The following PLCH1 variants were observed in gnomAD, a reference collection of about 807,000 sequenced individuals.
The protein encoded by PLCH1 is phospholipase C eta 1.
Under a neutral mutation model 126.7 loss-of-function variants are expected in PLCH1, and 60 were observed. The ratio of observed to expected loss-of-function variants is 0.47; its 90% CI spans 0.38 to 0.59. The LOEUF (loss-of-function observed/expected upper bound fraction) is 0.59. Ranked by LOEUF, PLCH1 falls within the 20% of genes least tolerant of loss-of-function variation. PLCH1 has a pLI of 0.00. For missense variants in PLCH1, 1,723 were observed against 2,040.0 expected (o/e 0.84, Z 2.99); for synonymous variants, 719 against 734.9 (o/e 0.98, Z 0.35).
chr3:155,642,387 G>A (rs1739501647), intron 2 of PLCH1, among the ~76,000 whole-genome samples: 1 of 152,224 alleles, frequency 6.6e-6, no homozygotes, highest in East Asian at 1.9e-4. Flanking sequence ...CACCTTCACT[G>A]AAAGAAGTTT....
chr3:155,600,091 G>C (rs1733520980), intron 2 of PLCH1, among the ~76,000 whole-genome samples: 1 of 152,050 alleles, frequency 6.6e-6, no homozygotes, highest in African/African-American at 2.4e-5. Context: ...GAAAAATCAA[G>C]TCCACTGAAA....
At chr3:155,618,042 C>T (rs1035914709) in intron 2 of PLCH1, among the ~76,000 whole-genome samples, 6 of 152,138 alleles carry the variant, frequency 3.9e-5, no homozygotes, top group African/African-American at 1.4e-4. Context: ...TGAAAGAGAG[C>T]TTATATGACA....
Position 155,568,335 on chromosome 3 carries a change from C to G in PLCH1, c.772-11G>C. 2 of 1,155,290 alleles carry G rather than the reference C, an allele frequency of 1.7e-6. No homozygotes were observed. Among genetic ancestry groups the G allele is most frequent in the Non-Finnish European group, 2.6e-6 (2 of 770,732 alleles). The allele number at this position is 1,155,290 out of a possible 1,614,324, so 71.6% of individuals were successfully genotyped here. On this transcript the variant is annotated splice_polypyrimidine_tract_variant and intron_variant, in intron 6 of 22. Coordinates refer to ENST00000460012, the MANE Select transcript of PLCH1 (RefSeq NM_014996.4). Reference sequence around the variant, plus strand: ...TGTCACATTATTCATCTAAGAAAAACAGAATACTAGTAGAGTACCTGCAAT... The same window carrying G: ...TGTCACATTATTCATCTAAGAAAAAGAGAATACTAGTAGAGTACCTGCAAT...
At chr3:155,526,496 A>C (rs1721966960) in intron 10 of PLCH1, among the ~76,000 whole-genome samples, 1 of 136,770 alleles carries the variant, frequency 7.3e-6, no homozygotes, top group South Asian at 2.4e-4. Flanking sequence ...TCATACACAC[A>C]CACACACACA....
At chr3:155,679,447 G>T (rs150152429) in intron 2 of PLCH1, among the ~76,000 whole-genome samples, 1 of 152,150 alleles carries the variant, frequency 6.6e-6, no homozygotes, top group Non-Finnish European at 1.5e-5. Context: ...AGCCCCAGTG[G>T]CTGGAAAAAT....
chr3:155,455,580 CA>C (rs1372599397), intron 21 of PLCH1, among the ~76,000 whole-genome samples: 1 of 152,158 alleles, frequency 6.6e-6, no homozygotes, highest in East Asian at 1.9e-4. Flanking sequence ...AACATGAAAG[CA>C]TTTGAGAAAT....
chr3:155,612,324 T>C (rs1314520799), intron 2 of PLCH1, among the ~76,000 whole-genome samples: 1 of 145,228 alleles, frequency 6.9e-6, no homozygotes, highest in Non-Finnish European at 1.5e-5. Flanking sequence ...AGTGAAACTC[T>C]GTCTCAAAAA....
chr3:155,497,198 G>A, intron 15 of PLCH1, 122 bp downstream of exon 15: 1 of 653,932 alleles, frequency 1.5e-6, no homozygotes, highest in Non-Finnish European at 2.7e-6. Flanking sequence ...CACTCAAATT[G>A]GTTTCTACAT....
At chr3:155,619,563 CAG>C (rs1048256451) in intron 2 of PLCH1, among the ~76,000 whole-genome samples, 3 of 150,350 alleles carry the variant, frequency 2.0e-5, no homozygotes, top group African/African-American at 7.3e-5. Flanking sequence ...TAATTTTATC[CAG>C]AGAGTTCCAA....
chr3:155,636,702 C>T (rs955096473), intron 2 of PLCH1, among the ~76,000 whole-genome samples: 1 of 151,336 alleles, frequency 6.6e-6, no homozygotes, highest in East Asian at 1.9e-4. Flanking sequence ...ACCGAGATCA[C>T]GCCATTGCAC....
At chr3:155,609,497 C>T (rs1370747289) in intron 2 of PLCH1, among the ~76,000 whole-genome samples, 5 of 152,084 alleles carry the variant, frequency 3.3e-5, no homozygotes, top group Admixed American at 6.5e-5. Context: ...CTATAGTACC[C>T]TCAAAAGATC....
chr3:155,611,597 C>T (rs1735102223), intron 2 of PLCH1, among the ~76,000 whole-genome samples: 1 of 152,114 alleles, frequency 6.6e-6, no homozygotes, highest in South Asian at 2.1e-4. Context: ...CCACTGACAG[C>T]ACTAGACAGG....
rs1416869463 is a variant in PLCH1 at position 155,492,867 on chromosome 3, A to G, written c.2183-14T>C. On this transcript the variant is annotated splice_polypyrimidine_tract_variant and intron_variant, in intron 17 of 22. Transcript: ENST00000460012. ...GGTTGAAAGTACCTAGGCCAAGTAA[A>G]GTATAAGTTGGTAACATAAGAAGAA... 1.9e-6 allele frequency: 3 copies of G among 1,568,862 alleles called. No homozygotes were observed. The highest frequency in any genetic ancestry group is 1.4e-5 in the African/African-American group (1 of 72,820).
rs116547304 is a variant in PLCH1 at position 155,696,047 on chromosome 3, G to A, written c.79+8099C>T. Among the ~76,000 whole-genome samples the A allele has an allele frequency of 9.2e-3, 1,403 of 152,182 alleles. 16 individuals are homozygous for A. The highest frequency in any genetic ancestry group is 0.032 in the African/African-American group (1,349 of 41,512). On this transcript the variant is annotated intron_variant, in intron 2 of 22. Transcript: ENST00000460012. Reference sequence around the variant, plus strand: ...TAGGCAGATGGACATCTGAGTATTCGGCATAGAGGGAAGGTCAAAGCCATG... The same window carrying A: ...TAGGCAGATGGACATCTGAGTATTCAGCATAGAGGGAAGGTCAAAGCCATG...
intron 20 of PLCH1, among the ~76,000 whole-genome samples, chr3:155,488,422 C>G (rs1715621169): frequency 6.6e-6 from 1 of 152,142 alleles, no homozygotes; most frequent in African/African-American, 2.4e-5. Flanking sequence ...GTCTCGAACT[C>G]CTGACCTTAG....
At chr3:155,611,469 T>C (rs1467705599) in intron 2 of PLCH1, among the ~76,000 whole-genome samples, 1 of 152,008 alleles carries the variant, frequency 6.6e-6, no homozygotes, top group Non-Finnish European at 1.5e-5. Context: ...CAGAAAAATA[T>C]CACAATCCTA....
At position 155,482,616 on chromosome 3, in the gene PLCH1, C is replaced by T. The variant is rs1560045921; in HGVS notation, c.3410G>A (p.Gly1137Asp). 1.2e-6 allele frequency: 2 copies of T among 1,614,208 alleles called. No homozygotes were observed. Among genetic ancestry groups the T allele is most frequent in the Non-Finnish European group, 1.7e-6 (2 of 1,180,040 alleles). The change falls in exon 23 of 23, where the codon GGC becomes GAC. Residue 1137 changes from glycine to aspartate, a missense_variant. Coordinates refer to ENST00000460012, the MANE Select transcript of PLCH1 (RefSeq NM_014996.4). ...IKNLEGNRGK[G>D]RAATSFSLSD... Reference sequence around the variant, plus strand: ...CAAAGAAAAGGATGTTGCAGCTCGGCCCTTACCCCTATTACCTTCCAGGTT... The same window carrying T: ...CAAAGAAAAGGATGTTGCAGCTCGGTCCTTACCCCTATTACCTTCCAGGTT...
At position 155,481,815 on chromosome 3, in the gene PLCH1, G is replaced by A; in HGVS notation, c.4211C>T (p.Thr1404Ile). 1.9e-6 allele frequency: 3 copies of A among 1,614,128 alleles called. No homozygotes were observed. Among genetic ancestry groups the A allele is most frequent in the Non-Finnish European group, 2.5e-6 (3 of 1,179,994 alleles). ...TATTTCAGGGACAGAAGGGCGGAGG[G>A]TCTCTTTACAGTAGCCGTTTCTCAA... ...RGLRNGYCKE[T>I]LRPSVPEIFN... Residue 1404 changes from threonine (T) to isoleucine (I), a missense_variant, in exon 23 of 23, where the codon ACC (threonine) becomes ATC (isoleucine). Physicochemically the swap from Thr to Ile is moderately conservative, Grantham distance 89 (BLOSUM62 -1). This residue lies in a region of PLCH1 where 947 missense variants were observed against 977.1 expected (regional missense o/e 0.97). Transcript: ENST00000460012. This position sits in a 1 kb window ranked among gnomAD's most constrained non-coding sequence, Gnocchi z 4.2.
At chr3:155,670,456 A>C (rs77896417) in intron 2 of PLCH1, among the ~76,000 whole-genome samples, 1 of 152,180 alleles carries the variant, frequency 6.6e-6, no homozygotes, top group African/African-American at 2.4e-5. Flanking sequence ...CACATATGCA[A>C]CCATGACTTA....
Sources: allele counts gnomAD v4.1 joint callset (sites outside exome capture counted in the v4.1 genomes callset), GRCh38; gene constraint gnomAD v4.1.1; regional missense constraint gnomAD v4.1.1; non-coding constraint Gnocchi (gnomAD v3.1); transcripts MANE v1.5; gene names NCBI Gene and HGNC (gene_info 2026-07-23, HGNC 2026-07-21).